TCERG1L: variants seen among roughly 807,000 people sequenced by gnomAD.
The protein encoded by TCERG1L is transcription elongation regulator 1-like protein.
Under a neutral mutation model 56.3 loss-of-function variants are expected in TCERG1L, and 37 were observed. That is an observed-to-expected ratio of 0.66 (90% CI 0.51 to 0.87). The LOEUF (loss-of-function observed/expected upper bound fraction) is 0.87. Among genes scored for constraint, TCERG1L ranks in the 40% least tolerant of loss-of-function variants. The probability of loss-of-function intolerance (pLI) is 0.00; values close to 1 mark genes in which losing one functional copy is unlikely to be tolerated. For missense variants in TCERG1L, 799 were observed against 774.2 expected, an observed-to-expected ratio of 1.03 and a Z score of -0.38; for synonymous variants, 324 against 326.3, an observed-to-expected ratio of 0.99 and a Z score of 0.08.
At chr10:131,181,966 C>T (rs1456636562) in intron 4 of TCERG1L, among the ~76,000 whole-genome samples, 2 of 152,176 alleles carry the variant, frequency 1.3e-5, no homozygotes, top group Admixed American at 1.3e-4. Context: ...AAATCAAAAC[C>T]AATCTCAACA....
rs144837801 is a variant in TCERG1L, at chr10:131,236,912, T to C, written c.856+23347A>G. 2.3e-3 allele frequency among the ~76,000 whole-genome samples: 349 copies of C among 152,104 alleles called. 3 individuals are homozygous for C. The highest frequency in any genetic ancestry group is 7.9e-3 in the African/African-American group (328 of 41,518). On this transcript the variant is annotated intron_variant, in intron 4 of 11. Coordinates refer to ENST00000368642, the MANE Select transcript of TCERG1L (RefSeq NM_174937.4). ...ACCCATTCAAGCTCGCATCATCCTTTGCCCCAATGTCTTATTCTCGGTAGC... is the reference window on the plus strand; with the variant it reads ...ACCCATTCAAGCTCGCATCATCCTTCGCCCCAATGTCTTATTCTCGGTAGC...
At chr10:131,282,116 A>T (rs1256469497) in intron 3 of TCERG1L, among the ~76,000 whole-genome samples, 1 of 142,456 alleles carries the variant, frequency 7.0e-6, no homozygotes, top group Admixed American at 7.6e-5. Flanking sequence ...GGCCTGGGCG[A>T]AAGAGCAAGA....
At chr10:131,203,159 G>A (rs1477486419) in intron 4 of TCERG1L, among the ~76,000 whole-genome samples, 1 of 152,200 alleles carries the variant, frequency 6.6e-6, no homozygotes, top group Non-Finnish European at 1.5e-5. Context: ...CTCAGGAGTA[G>A]TGACAGTGTT....
intron 3 of TCERG1L, among the ~76,000 whole-genome samples, chr10:131,307,489 A>C (rs1335328469): frequency 6.6e-6 from 1 of 152,248 alleles, no homozygotes; most frequent in Non-Finnish European, 1.5e-5. Context: ...CTGAAGCCAT[A>C]AAATATTCCA....
chr10:131,234,639 G>A lies in TCERG1L; in HGVS notation c.856+25620C>T, dbSNP rs75886908. 1.7e-3 allele frequency among the ~76,000 whole-genome samples: 254 copies of A among 152,294 alleles called. 9 individuals carry two copies. In the East Asian group the frequency reaches 0.044, roughly 27 times the overall value. On this transcript the variant is annotated intron_variant, in intron 4 of 11. Transcript: ENST00000368642. ...AATAACCAGCACCTTGGAAGAAGTC[G>A]TTGAGAAGCATGTGTGGTTCACTAA... is the stretch of plus-strand genomic sequence containing the variant.
At chr10:131,205,480 T>C (rs959277273) in intron 4 of TCERG1L, among the ~76,000 whole-genome samples, 13 of 152,180 alleles carry the variant, frequency 8.5e-5, no homozygotes, top group African/African-American at 3.1e-4. Flanking sequence ...ATTCCCACAA[T>C]GATTTCTCTG....
intron 3 of TCERG1L, among the ~76,000 whole-genome samples, chr10:131,279,391 C>T (rs1846428721): frequency 6.6e-6 from 1 of 152,146 alleles, no homozygotes; most frequent in Admixed American, 6.5e-5. Context: ...TGCTGCTAAC[C>T]TTCATGACTG....
In TCERG1L at chr10:131,150,339, C is replaced by T. The variant is rs141127204; in HGVS notation, c.1035-3679G>A. 3.0e-3 allele frequency among the ~76,000 whole-genome samples: 459 copies of T among 152,364 alleles called. 4 individuals are homozygous for T. The highest frequency in any genetic ancestry group is 4.7e-3 in the Non-Finnish European group (320 of 68,042). ...TACTCAGCCAGGGGCCAGATGCTCACTGAGGCATCTCCAGTTCACTAAGAG... is the reference window on the plus strand; with the variant it reads ...TACTCAGCCAGGGGCCAGATGCTCATTGAGGCATCTCCAGTTCACTAAGAG... On this transcript the variant is annotated intron_variant, in intron 6 of 11. Transcript: ENST00000368642.
chr10:131,190,430 G>C (rs111964869), intron 4 of TCERG1L, among the ~76,000 whole-genome samples: 3 of 104,422 alleles, frequency 2.9e-5, no homozygotes, highest in Non-Finnish European at 4.3e-5. Context: ...TATGAAGCTA[G>C]TATCACCCTT....
rs1308145532 is a variant in TCERG1L, at chr10:131,093,266, G to T, written c.1657C>A (p.Leu553Ile). ...TCCTGGTCCTTTCTTTTTTGAACAA[G>T]TCGGAACCTCTGATCCCGGCCGTAT... ...EKYGRDQRFR[L>I]VQKRKDQEHF... Residue 553 changes from leucine (L) to isoleucine (I), a missense_variant, in exon 12 of 12, where the codon CTT becomes ATT. Physicochemically the swap from Leu to Ile is conservative, Grantham distance 5 (BLOSUM62 2). Coordinates refer to ENST00000368642, the MANE Select transcript of TCERG1L (RefSeq NM_174937.4). 2 of 1,613,938 alleles carry T rather than the reference G, an allele frequency of 1.2e-6. No individual in the cohort carries two copies. The highest frequency in any genetic ancestry group is 1.7e-5 in the Admixed American group (1 of 60,030).
At chr10:131,259,410 G>A (rs1846209886) in intron 4 of TCERG1L, among the ~76,000 whole-genome samples, 1 of 152,110 alleles carries the variant, frequency 6.6e-6, no homozygotes, top group Non-Finnish European at 1.5e-5. Context: ...CAAAATAACA[G>A]AGTAAATCCT....
intron 4 of TCERG1L, among the ~76,000 whole-genome samples, chr10:131,201,867 C>T (rs1006117063): frequency 2.6e-5 from 4 of 152,188 alleles, no homozygotes; most frequent in East Asian, 3.9e-4. Flanking sequence ...TCCACCACCA[C>T]GCTGTGCTGA....
At chr10:131,297,202 T>C (rs1252866910) in intron 3 of TCERG1L, among the ~76,000 whole-genome samples, 2 of 152,232 alleles carry the variant, frequency 1.3e-5, no homozygotes, top group African/African-American at 4.8e-5. Context: ...CTTCCTTAGA[T>C]GTCCTTTGTC....
chr10:131,154,811 CAAGG>C (rs1459625088), intron 6 of TCERG1L, among the ~76,000 whole-genome samples: 3 of 152,292 alleles, frequency 2.0e-5, no homozygotes, highest in African/African-American at 7.2e-5. Flanking sequence ...ATATGCAAGA[CAAGG>C]ACACGAGCGT....
intron 3 of TCERG1L, among the ~76,000 whole-genome samples, chr10:131,276,691 A>G (rs2918107): frequency 0.86 from 130,964 of 152,222 alleles, 57,430 homozygotes; most frequent in South Asian, 0.96. Flanking sequence ...ATGCCTCATC[A>G]AGATACCAAA....
chr10:131,184,042 G>C (rs1187202005), intron 4 of TCERG1L, among the ~76,000 whole-genome samples: 2 of 152,162 alleles, frequency 1.3e-5, no homozygotes, highest in African/African-American at 4.8e-5. Flanking sequence ...CTCTGTCACT[G>C]TGTCTCCACC....
chr10:131,272,476 GCCCCTTTCAT>G (rs1589768426), intron 3 of TCERG1L, among the ~76,000 whole-genome samples: 2 of 152,176 alleles, frequency 1.3e-5, no homozygotes, highest in African/African-American at 2.4e-5. Context: ...AGCTCCACGG[GCCCCTTTCAT>G]CTCCTTGCCA....
chr10:131,260,513 G>C lies in TCERG1L; in HGVS notation c.671-69C>G, dbSNP rs1317699211. On this transcript the variant is annotated intron_variant, in intron 3 of 11. Transcript: ENST00000368642. The surrounding 1 kb of genome is among the most constrained non-coding windows in gnomAD (Gnocchi z 5.8). Reference sequence around the variant, plus strand: ...GCCATGGGTGACAGATGCCCATCTCGCTACCGCAAGATATCAGCCCCCAGA... The same window carrying C: ...GCCATGGGTGACAGATGCCCATCTCCCTACCGCAAGATATCAGCCCCCAGA... The C allele has an allele frequency of 7.6e-7, 1 of 1,317,052 alleles. No individual in the cohort carries two copies. Among genetic ancestry groups the C allele is most frequent in the African/African-American group, 1.5e-5 (1 of 64,830 alleles). The allele number at this position is 1,317,052 out of a possible 1,614,324, so 81.6% of individuals were successfully genotyped here.
chr10:131,265,126 G>A (rs1846272727), intron 3 of TCERG1L, among the ~76,000 whole-genome samples: 1 of 152,028 alleles, frequency 6.6e-6, no homozygotes, highest in Non-Finnish European at 1.5e-5. Flanking sequence ...TTCATAATGA[G>A]TGAAAAAGCG....
Sources: allele counts gnomAD v4.1 joint callset (sites outside exome capture counted in the v4.1 genomes callset), GRCh38; gene constraint gnomAD v4.1.1; non-coding constraint Gnocchi (gnomAD v3.1); transcripts MANE v1.5; gene names NCBI Gene and HGNC (gene_info 2026-07-23, HGNC 2026-07-21).